The following HYCC1 variants were observed in gnomAD, a reference collection of about 807,000 sequenced individuals.
HYCC1 encodes the protein hyccin PI4KA lipid kinase complex subunit 1.
the HYCC1 span, chr7:22,942,331 C>T: frequency 6.6e-6 from 1 of 152,158 alleles, no homozygotes; most frequent in South Asian, 2.1e-4. Flanking sequence ...CCGAGAATTC[C>T]AACTCTTCAA....
the HYCC1 span, among the ~76,000 whole-genome samples, chr7:22,907,510 A>G: frequency 6.6e-6 from 1 of 152,242 alleles, no homozygotes; most frequent in Admixed American, 6.5e-5. Context: ...AGAGACTTCA[A>G]TGAGCCAAAT....
the HYCC1 span, among the ~76,000 whole-genome samples, chr7:22,897,876 C>T: frequency 2.0e-5 from 3 of 152,032 alleles, no homozygotes; most frequent in Non-Finnish European, 2.9e-5. Flanking sequence ...TCAAGTGATT[C>T]ACCCAACTTG....
the HYCC1 span, among the ~76,000 whole-genome samples, chr7:22,933,949 T>C: frequency 1.3e-5 from 2 of 152,168 alleles, no homozygotes; most frequent in Non-Finnish European, 2.9e-5. Context: ...GAAGATAGAG[T>C]GGTGGCAGGC....
the HYCC1 span, among the ~76,000 whole-genome samples, chr7:22,913,624 T>C: frequency 6.6e-6 from 1 of 152,222 alleles, no homozygotes; most frequent in African/African-American, 2.4e-5. Flanking sequence ...AGCTCCCTTG[T>C]GACCCCTGCC....
chr7:22,978,296 T>C, the HYCC1 span: 2 of 1,614,108 alleles, frequency 1.2e-6, no homozygotes, highest in East Asian at 2.2e-5. Flanking sequence ...GAAGAAGAGC[T>C]TCAATGCATC....
At chr7:22,967,577 C>T in the HYCC1 span, among the ~76,000 whole-genome samples, 2 of 152,046 alleles carry the variant, frequency 1.3e-5, no homozygotes, top group South Asian at 4.1e-4. Flanking sequence ...CAAAGGAGTA[C>T]CAAAATCAGA....
the HYCC1 span, among the ~76,000 whole-genome samples, chr7:22,932,950 TACTC>T: frequency 2.0e-5 from 3 of 152,044 alleles, no homozygotes; most frequent in Non-Finnish European, 2.9e-5. Flanking sequence ...CATATGAAAA[TACTC>T]AGGAAAGAAA....
the HYCC1 span, among the ~76,000 whole-genome samples, chr7:22,988,425 C>T: frequency 6.6e-6 from 1 of 152,062 alleles, no homozygotes; most frequent in South Asian, 2.1e-4. Flanking sequence ...AATATTGTTA[C>T]CCACATAATA....
the HYCC1 span, among the ~76,000 whole-genome samples, chr7:23,002,738 G>T: frequency 6.6e-6 from 1 of 152,158 alleles, no homozygotes. Flanking sequence ...CTACATCCAA[G>T]TATAAAAGCC....
the HYCC1 span, among the ~76,000 whole-genome samples, chr7:22,960,075 G>A: frequency 6.6e-6 from 1 of 152,056 alleles, no homozygotes; most frequent in African/African-American, 2.4e-5. Context: ...TGTAACATAA[G>A]GGGCTCCATT....
chr7:22,907,402 G>A, the HYCC1 span, among the ~76,000 whole-genome samples: 3 of 152,142 alleles, frequency 2.0e-5, no homozygotes. Context: ...ACCTCATCAC[G>A]GAATCCCTCA....
chr7:22,981,663 T>A, the HYCC1 span, among the ~76,000 whole-genome samples: 3 of 152,240 alleles, frequency 2.0e-5, no homozygotes, highest in Non-Finnish European at 2.9e-5. Context: ...CTGTTATCAA[T>A]CTCCAACAAT....
the HYCC1 span, chr7:22,943,306 T>C: frequency 2.0e-5 from 3 of 152,186 alleles, no homozygotes; most frequent in Admixed American, 6.6e-5. Flanking sequence ...GTGAGACCAC[T>C]GGGAATTCTA....
At chr7:22,990,811 T>A in the HYCC1 span, among the ~76,000 whole-genome samples, 1 of 152,160 alleles carries the variant, frequency 6.6e-6, no homozygotes, top group Non-Finnish European at 1.5e-5. Flanking sequence ...CTTTAACTAC[T>A]TTGTGGTATT....
the HYCC1 span, among the ~76,000 whole-genome samples, chr7:23,004,936 G>C: frequency 4.9e-3 from 743 of 152,150 alleles, 7 homozygotes; most frequent in African/African-American, 0.017. Flanking sequence ...CTCCTGAGTA[G>C]CTGGGACTAC....
chr7:22,974,715 G>C, the HYCC1 span, among the ~76,000 whole-genome samples: 1 of 151,898 alleles, frequency 6.6e-6, no homozygotes, highest in African/African-American at 2.4e-5. Flanking sequence ...CAATGATCCC[G>C]TCCTCTGTGA....
At chr7:22,910,531 C>T in the HYCC1 span, among the ~76,000 whole-genome samples, 1 of 152,182 alleles carries the variant, frequency 6.6e-6, no homozygotes, top group African/African-American at 2.4e-5. Context: ...ACCTATTTAA[C>T]ACCTAATATT....
chr7:22,935,537 C>T, the HYCC1 span: 2 of 152,172 alleles, frequency 1.3e-5, no homozygotes, highest in East Asian at 1.9e-4. Context: ...AGTTTTTGTC[C>T]TCCTAATATC....
chr7:22,993,114 T>C, the HYCC1 span, among the ~76,000 whole-genome samples: 1 of 152,056 alleles, frequency 6.6e-6, no homozygotes, highest in African/African-American at 2.4e-5. Context: ...ATGACAAAAA[T>C]GACACTGAAA....
Sources: allele counts gnomAD v4.1 joint callset (sites outside exome capture counted in the v4.1 genomes callset), GRCh38; gene constraint gnomAD v4.1.1; transcripts MANE v1.5; gene names NCBI Gene and HGNC (gene_info 2026-07-23, HGNC 2026-07-21).